The following DSCAML1 variants were observed in gnomAD, a reference collection of about 807,000 sequenced individuals.
DSCAML1 encodes DS cell adhesion molecule like 1, also known as cell adhesion molecule DSCAML1.
A neutral mutation model predicts 200.5 loss-of-function variants in DSCAML1; 38 were observed. The observed-to-expected ratio is 0.19, with a 90% CI of 0.15 to 0.25. DSCAML1 has a LOEUF of 0.25. Among genes scored for constraint, DSCAML1 ranks in the 10% least tolerant of loss-of-function variants. The pLI, the probability that DSCAML1 is intolerant of heterozygous loss-of-function variation, is 1.00. For missense variants in DSCAML1, 2,223 were observed against 2,858.8 expected (o/e 0.78, Z 5.07); for synonymous variants, 1,215 against 1,165.0 (o/e 1.04, Z -0.87).
At position 117,437,809 on chromosome 11, in the gene DSCAML1, G is replaced by A. The variant is rs1019989706; in HGVS notation, c.4432+86C>T. On this transcript the variant is annotated intron_variant, in intron 25 of 32. Transcript: ENST00000651296. The surrounding 1 kb of genome is among the most constrained non-coding windows in gnomAD (Gnocchi z 5.3). ...CCTGGACCCCTCCTTCCCCACCCCA[G>A]CCACCTTACACCCCATACCTGGCCC... 3 of 1,376,848 alleles carry A rather than the reference G, an allele frequency of 2.2e-6. No homozygotes were observed. The highest frequency in any genetic ancestry group is 2.9e-6 in the Non-Finnish European group (3 of 1,041,728). 85.3% of individuals were successfully genotyped at this position (1,376,848 alleles called of 1,614,324 possible). A position where few individuals can be genotyped will look rare whatever the true frequency, so the allele number is the denominator to read the frequency against.
intron 3 of DSCAML1, chr11:117,612,069 CTTG>C (rs2051706244): frequency 1.3e-5 from 2 of 152,428 alleles, no homozygotes; most frequent in Admixed American, 6.5e-5. Flanking sequence ...GGAAGCCTAC[CTTG>C]TTCATCTCTG....
chr11:117,706,985 T>A (rs2053768609), intron 3 of DSCAML1, among the ~76,000 whole-genome samples: 1 of 152,254 alleles, frequency 6.6e-6, no homozygotes, highest in Admixed American at 6.5e-5. Context: ...TGCATGCCTC[T>A]GTGCCCAGAC....
chr11:117,582,134 T>TAAG (rs2137462717), intron 3 of DSCAML1, among the ~76,000 whole-genome samples: 1 of 152,326 alleles, frequency 6.6e-6, no homozygotes, highest in South Asian at 2.1e-4. Context: ...AAAGAAATGT[T>TAAG]AAGTTTCATT....
At chr11:117,680,945 G>A (rs2053299327) in intron 3 of DSCAML1, among the ~76,000 whole-genome samples, 1 of 152,202 alleles carries the variant, frequency 6.6e-6, no homozygotes, top group Non-Finnish European at 1.5e-5. Flanking sequence ...CCCAAGGGTG[G>A]CAAGTTACTC....
chr11:117,780,487 C>G lies in DSCAML1; in HGVS notation c.364+6G>C. 1 of 1,445,722 alleles carries G rather than the reference C, an allele frequency of 6.9e-7. No homozygotes were observed. Among genetic ancestry groups the G allele is most frequent in the Non-Finnish European group, 9.1e-7 (1 of 1,094,654 alleles). The allele number at this position is 1,445,722 out of a possible 1,614,324, so 89.6% of individuals were successfully genotyped here. A position where few individuals can be genotyped will look rare whatever the true frequency, so the allele number is the denominator to read the frequency against. On this transcript the variant is annotated splice_donor_region_variant and intron_variant, in intron 2 of 32. Transcript: ENST00000651296. The surrounding 1 kb of genome is among the most constrained non-coding windows in gnomAD (Gnocchi z 4.8). ...CCACTGGGGCAGCCAGTGTCTTGTC[C>G]CTTACCTGCTTTGACGCGGATGTTG...
At chr11:117,624,411 G>T (rs1360151917) in intron 3 of DSCAML1, among the ~76,000 whole-genome samples, 4 of 152,186 alleles carry the variant, frequency 2.6e-5, no homozygotes, top group African/African-American at 9.7e-5. Flanking sequence ...GGGGACTTGG[G>T]AGCTCAAAAC....
At chr11:117,771,544 T>A (rs986975135) in intron 3 of DSCAML1, among the ~76,000 whole-genome samples, 1 of 152,104 alleles carries the variant, frequency 6.6e-6, no homozygotes, top group Admixed American at 6.5e-5. Context: ...CCCAGGCAAG[T>A]GCAGGAGACA....
At chr11:117,754,798 G>T (rs2054659802) in intron 3 of DSCAML1, among the ~76,000 whole-genome samples, 1 of 152,090 alleles carries the variant, frequency 6.6e-6, no homozygotes, top group Non-Finnish European at 1.5e-5. Context: ...GAAAATCACA[G>T]CTTCCAAATG....
intron 29 of DSCAML1, among the ~76,000 whole-genome samples, 180 bp downstream of exon 29, chr11:117,432,958 C>G (rs61905265): frequency 6.6e-6 from 1 of 152,126 alleles, no homozygotes; most frequent in Non-Finnish European, 1.5e-5. Context: ...CTCCGTTGGA[C>G]AGAGGAGGAA....
Position 117,471,990 on chromosome 11 carries a change from G to A in DSCAML1, c.2832C>T (p.Ile944=), listed in dbSNP as rs762240844. 2.5e-6 allele frequency: 4 copies of A among 1,614,180 alleles called. No homozygotes were observed. In the East Asian group the frequency reaches 8.9e-5, roughly 36 times the overall value. ...GCAAGTCCACAATGTTGGCCTGGTT[G>A]ATGGTGGGGGAGATGTTGCGTGTGG... ...KQSTRNISPT[I]NQANIVDLHP... is the part of the protein sequence containing the mutation. Residue 944 remains isoleucine, a synonymous_variant, in exon 15 of 33, where the codon ATC becomes ATT. Transcript: ENST00000651296.
rs192291775 is a variant in DSCAML1 at position 117,518,812 on chromosome 11, G to T, written c.1214-50C>A. Reference sequence around the variant, plus strand: ...CAGGGTCACCAAGCCATGGAGAGACGGTCCCCCCAGCCACCCCACCTCAGC... The same window carrying T: ...CAGGGTCACCAAGCCATGGAGAGACTGTCCCCCCAGCCACCCCACCTCAGC... On this transcript the variant is annotated intron_variant, in intron 6 of 32. Transcript: ENST00000651296. This position sits in a 1 kb window ranked among gnomAD's most constrained non-coding sequence, Gnocchi z 6.3. 1.3e-6 allele frequency: 2 copies of T among 1,551,150 alleles called. No homozygotes were observed. The highest frequency in any genetic ancestry group is 1.4e-5 in the African/African-American group (1 of 73,580).
At chr11:117,801,365 C>T (rs1471717846), upstream of DSCAML1, 2 of 152,252 alleles carry the variant, frequency 1.3e-5, no homozygotes, top group Non-Finnish European at 2.9e-5. Flanking sequence ...CAAATATGCC[C>T]ATTCCCCCCT....
At chr11:117,631,773 C>T (rs192100667) in intron 3 of DSCAML1, among the ~76,000 whole-genome samples, 1 of 142,682 alleles carries the variant, frequency 7.0e-6, no homozygotes, top group Non-Finnish European at 1.6e-5. Context: ...GCCACTCCTA[C>T]TTTCGAGGCT....
Position 117,776,781 on chromosome 11 carries a change from C to G in DSCAML1, c.511+10G>C, listed in dbSNP as rs17311045. The G allele has an allele frequency of 2.5e-5, 40 of 1,613,820 alleles. No individual in the cohort carries two copies. The African/African-American group carries it at 4.8e-4, about 19-fold the overall frequency. ...ACCTCTGTCTGCCGCAGCCCCGGGA[C>G]GCTTCTTACCTGGGATGATGGAGAC... On this transcript the variant is annotated intron_variant, in intron 3 of 32. Transcript: ENST00000651296.
chr11:117,743,003 TCATCCATC>T (rs60601984), intron 3 of DSCAML1, among the ~76,000 whole-genome samples: 1 of 150,890 alleles, frequency 6.6e-6, no homozygotes, highest in African/African-American at 2.4e-5. Flanking sequence ...CACTCCACTT[TCATCCATC>T]CATCCATCCA....
chr11:117,558,181 G>A (rs2050592966), intron 3 of DSCAML1, among the ~76,000 whole-genome samples: 1 of 152,142 alleles, frequency 6.6e-6, no homozygotes, highest in African/African-American at 2.4e-5. Flanking sequence ...AAAAGAAGCA[G>A]TGGGCATGTA....
In DSCAML1 at chr11:117,644,623, A is replaced by G. The variant is rs547513945; in HGVS notation, c.512-112101T>C. Among the ~76,000 whole-genome samples the G allele has an allele frequency of 7.2e-5, 11 of 152,348 alleles. No homozygotes were observed. In the East Asian group the frequency reaches 2.1e-3, roughly 30 times the overall value. On this transcript the variant is annotated intron_variant, in intron 3 of 32. Coordinates refer to ENST00000651296, the MANE Select transcript of DSCAML1 (RefSeq NM_020693.4). ...TCCTAGGGTTTATTAAATACGTTCAAGAGCCTATTTGTAGCTGTCAGGGAG... is the reference window on the plus strand; with the variant it reads ...TCCTAGGGTTTATTAAATACGTTCAGGAGCCTATTTGTAGCTGTCAGGGAG...
At position 117,480,464 on chromosome 11, in the gene DSCAML1, T is replaced by C. The variant is rs1341595540; in HGVS notation, c.2764A>G (p.Ile922Val). ...DGNSIITGFD[I>V]EYKNKSDSWD... is the part of the protein sequence containing the mutation. ...CTACCTGATTTGTTCTTGTATTCAA[T>C]GTCGAAGCCCGTGATGATGCTGTTC... Residue 922 changes from isoleucine (I) to valine (V), a missense_variant, in exon 14 of 33, where the codon ATT (isoleucine) becomes GTT (valine). Physicochemically the swap from Ile to Val is conservative, Grantham distance 29 (BLOSUM62 3). Around this residue, in one of 7 missense-constraint regions of DSCAML1, gnomAD observed 438 missense variants for 629.7 expected, o/e 0.70. Coordinates refer to ENST00000651296, the MANE Select transcript of DSCAML1 (RefSeq NM_020693.4). The surrounding 1 kb of genome is among the most constrained non-coding windows in gnomAD (Gnocchi z 4.1). The C allele has an allele frequency of 1.2e-6, 2 of 1,613,662 alleles. No individual in the cohort carries two copies. Among genetic ancestry groups the C allele is most frequent in the Non-Finnish European group, 8.5e-7 (1 of 1,179,870 alleles).
intron 3 of DSCAML1, among the ~76,000 whole-genome samples, chr11:117,658,709 G>A (rs2052782009): frequency 6.6e-6 from 1 of 152,160 alleles, no homozygotes. Context: ...ATTAACAGCT[G>A]GGAATTAGGA....
Sources: allele counts gnomAD v4.1 joint callset (sites outside exome capture counted in the v4.1 genomes callset), GRCh38; gene constraint gnomAD v4.1.1; regional missense constraint gnomAD v4.1.1; non-coding constraint Gnocchi (gnomAD v3.1); transcripts MANE v1.5; gene names NCBI Gene and HGNC (gene_info 2026-07-23, HGNC 2026-07-21).